The following EDA variants were observed in gnomAD, a reference collection of about 807,000 sequenced individuals.
The protein encoded by EDA is ectodysplasin A.
EDA carries 2 observed loss-of-function variants against 23.6 expected under a neutral mutation model. That is an observed-to-expected ratio of 0.08 (90% CI 0.03 to 0.27). The LOEUF is 0.27. Among genes scored for constraint, EDA ranks in the 10% least tolerant of loss-of-function variants. The pLI is 1.00. For synonymous variants in EDA, 131 were observed against 132.0 expected (o/e 0.99, Z 0.05); for missense variants, 229 against 324.2 (o/e 0.71, Z 2.26).
At chrX:69,700,668 A>G (rs1354345293) in intron 1 of EDA, among the ~76,000 whole-genome samples, 6 of 110,978 alleles carry the variant, frequency 5.4e-5, no homozygotes, top group Non-Finnish European at 1.1e-4. Context: ...TGTGATAGGA[A>G]CTGGGTGGGC....
intron 1 of EDA, among the ~76,000 whole-genome samples, chrX:69,860,278 G>A (rs2017354229): frequency 9.0e-6 from 1 of 111,335 alleles, no homozygotes; most frequent in South Asian, 3.8e-4. Context: ...CATGATGTTA[G>A]CTGGTTATTT....
intron 2 of EDA, among the ~76,000 whole-genome samples, chrX:69,967,203 A>G (rs1158833564): frequency 9.0e-6 from 1 of 111,480 alleles, no homozygotes; most frequent in African/African-American, 3.3e-5. Context: ...GGGCATAATG[A>G]AGACAAAGAA....
intron 1 of EDA, among the ~76,000 whole-genome samples, chrX:69,813,036 T>C (rs903397446): frequency 2.7e-5 from 3 of 111,643 alleles, no homozygotes; most frequent in African/African-American, 9.8e-5. Context: ...CTGCTAATAC[T>C]ATAAAATTAT....
chrX:69,934,117 C>T (rs781096827), intron 1 of EDA, among the ~76,000 whole-genome samples: 13 of 111,999 alleles, frequency 1.2e-4, no homozygotes, highest in African/African-American at 4.2e-4. Context: ...ATAAGGCCTG[C>T]ACCTCAATAA....
chrX:69,834,022 A>T (rs999397007), intron 1 of EDA, among the ~76,000 whole-genome samples: 5 of 95,066 alleles, frequency 5.3e-5, no homozygotes, highest in Admixed American at 1.3e-4. Flanking sequence ...CTCATTATTC[A>T]ATTCCCACCT....
intron 1 of EDA, among the ~76,000 whole-genome samples, chrX:69,740,364 A>G (rs1317856784): frequency 9.0e-6 from 1 of 111,295 alleles, no homozygotes; most frequent in Non-Finnish European, 1.9e-5. Context: ...ATATAGGACT[A>G]TCTATATCAT....
intron 1 of EDA, among the ~76,000 whole-genome samples, chrX:69,649,227 T>G (rs1933023638): frequency 8.9e-6 from 1 of 112,448 alleles, no homozygotes; most frequent in Non-Finnish European, 1.9e-5. Context: ...TTTTAGATTC[T>G]TATGAAATAG....
Position 69,885,587 on chromosome X carries a change from A to G in EDA, c.397-71440A>G, listed in dbSNP as rs566394184. ...GATCGTGAAACAGGATGCTGTTCAT[A>G]TTTCTCCACAGCAACAATAATTTTG... On this transcript the variant is annotated intron_variant, in intron 1 of 7. Coordinates refer to ENST00000374552, the MANE Select transcript of EDA (RefSeq NM_001399.5). 3.4e-4 allele frequency among the ~76,000 whole-genome samples: 38 copies of G among 112,188 alleles called. No homozygotes were observed. In the South Asian group the frequency reaches 0.014, roughly 40 times the overall value.
intron 1 of EDA, among the ~76,000 whole-genome samples, chrX:69,648,875 A>G (rs1933007807): frequency 9.0e-6 from 1 of 111,648 alleles, no homozygotes; most frequent in Non-Finnish European, 1.9e-5. Context: ...ATTGGACCCA[A>G]GGTCCTGGTG....
chrX:69,829,519 C>T (rs2016553563), intron 1 of EDA, among the ~76,000 whole-genome samples: 1 of 112,315 alleles, frequency 8.9e-6, no homozygotes, highest in African/African-American at 3.2e-5. Context: ...AATTTTGTGG[C>T]TATATTTAAG....
intron 1 of EDA, among the ~76,000 whole-genome samples, chrX:69,637,229 C>A (rs1932787460): frequency 9.0e-6 from 1 of 111,331 alleles, no homozygotes; most frequent in African/African-American, 3.3e-5. Context: ...GAAATGACTC[C>A]GGTGCAAATC....
chrX:70,031,906 T>G (rs773761733), intron 6 of EDA, among the ~76,000 whole-genome samples: 12 of 112,337 alleles, frequency 1.1e-4, no homozygotes, highest in African/African-American at 3.9e-4. Flanking sequence ...TAAGATTGTT[T>G]CCAGCCCCTC....
At chrX:70,016,376 T>C (rs1306140064) in intron 2 of EDA, among the ~76,000 whole-genome samples, 1 of 109,476 alleles carries the variant, frequency 9.1e-6, no homozygotes, top group Non-Finnish European at 1.9e-5. Flanking sequence ...CTTGACCAAA[T>C]GAGCCTAACA....
intron 2 of EDA, among the ~76,000 whole-genome samples, chrX:69,993,503 G>T (rs1338455690): frequency 8.9e-6 from 1 of 112,083 alleles, no homozygotes; most frequent in Non-Finnish European, 1.9e-5. Flanking sequence ...TTAGAGGTAA[G>T]AATGCTAAAA....
In EDA at chrX:69,955,989, A is replaced by G. The variant is rs954580542; in HGVS notation, c.397-1038A>G. ...TATTAGTGAAGCCAGACCCATTCACATATGAAACATATTGTATTATTATCA... is the reference window on the plus strand; with the variant it reads ...TATTAGTGAAGCCAGACCCATTCACGTATGAAACATATTGTATTATTATCA... On this transcript the variant is annotated intron_variant, in intron 1 of 7. Coordinates refer to ENST00000374552, the MANE Select transcript of EDA (RefSeq NM_001399.5). Among the ~76,000 whole-genome samples, 8 of 112,368 alleles carry G rather than the reference A, an allele frequency of 7.1e-5. No individual in the cohort carries two copies. The South Asian group carries it at 2.9e-3, about 41-fold the overall frequency.
intron 1 of EDA, among the ~76,000 whole-genome samples, chrX:69,852,959 A>G (rs2017166909): frequency 3.6e-5 from 4 of 112,290 alleles, no homozygotes; most frequent in Admixed American, 1.9e-4. Flanking sequence ...TGAAGAATTC[A>G]TTTAAACACA....
At chrX:69,618,714 G>C (rs1932071758) in intron 1 of EDA, among the ~76,000 whole-genome samples, 1 of 110,957 alleles carries the variant, frequency 9.0e-6, no homozygotes, top group Non-Finnish European at 1.9e-5. Context: ...GCAAAGTAGA[G>C]GGCTCAGCTC....
At chrX:69,961,750 G>A (rs1467732065) in intron 2 of EDA, among the ~76,000 whole-genome samples, 1 of 112,431 alleles carries the variant, frequency 8.9e-6, no homozygotes, top group East Asian at 2.8e-4. Flanking sequence ...TTGGCCAGAA[G>A]TATTTCAGAT....
chrX:69,661,922 A>C (rs1933522989), intron 1 of EDA, among the ~76,000 whole-genome samples: 1 of 112,172 alleles, frequency 8.9e-6, no homozygotes, highest in African/African-American at 3.2e-5. Context: ...CAGTGAAACA[A>C]ACTAATGTAT....
Sources: gnomAD v4.1 joint callset for allele counts (sites outside exome capture counted in the v4.1 genomes callset) on GRCh38, gnomAD v4.1.1 for gene constraint, MANE v1.5 for transcripts, NCBI Gene and HGNC (gene_info 2026-07-23, HGNC 2026-07-21) for gene names.